The following UTRN variants were observed in gnomAD, a reference collection of about 807,000 sequenced individuals.
The protein encoded by UTRN is dystrophin-related protein 1.
In UTRN, 283 loss-of-function variants were observed where a neutral mutation model predicts 463.9. That is an observed-to-expected ratio of 0.61 (90% confidence interval 0.55 to 0.67). The LOEUF is 0.67. Among genes scored for constraint, UTRN ranks in the 30% least tolerant of loss-of-function variants. The pLI, the probability that UTRN is intolerant of heterozygous loss-of-function variation, is 0.00. For missense variants in UTRN, 3,922 were observed against 4,084.3 expected (o/e 0.96, Z 1.08); for synonymous variants, 1,442 against 1,431.5 (o/e 1.01, Z -0.17).
rs1791672345 is a variant in UTRN at position 144,479,956 on chromosome 6, C to T, written c.3481C>T (p.Leu1161Phe). ...TTTTGAGTACAAGTCACCAGAAGAG[C>T]TTGAGAGTGCTGTGGAAGAGATGAA... ...RDFEYKSPEELESAVEEMKRA... is the reference protein window; with the variant it reads ...RDFEYKSPEEFESAVEEMKRA... The change falls in exon 26 of 75, where the codon CTT (leucine) becomes TTT (phenylalanine). Residue 1161 changes from leucine to phenylalanine, a missense_variant. Physicochemically the swap from Leu to Phe is conservative, Grantham distance 22. Transcript: ENST00000367545. 1 of 1,614,130 alleles carries T rather than the reference C, an allele frequency of 6.2e-7. No homozygotes were observed. The highest frequency in any genetic ancestry group is 1.1e-5 in the South Asian group (1 of 91,080).
intron 54 of UTRN, among the ~76,000 whole-genome samples, chr6:144,737,588 C>A (rs1404349506): frequency 6.6e-6 from 1 of 151,988 alleles, no homozygotes; most frequent in East Asian, 1.9e-4. Context: ...AAAAATAGGG[C>A]TAAATGGGTA....
Position 144,542,811 on chromosome 6 carries a change from C to T in UTRN, c.6536C>T (p.Pro2179Leu), listed in dbSNP as rs1798091397. Residue 2179 changes from proline to leucine, a missense_variant, in exon 46 of 75, where the codon CCT becomes CTT. By Grantham distance (98) the Pro-to-Leu change is moderately conservative. Transcript: ENST00000367545. ...ATGCGGTAGATTTGCAGAGAGGTGC[C>T]TACCACCCTGAAGGAATGCATCCAG... is the stretch of plus-strand genomic sequence containing the variant. ...MTWNKICREV[P>L]TTLKECIQEP... 2.5e-6 allele frequency: 4 copies of T among 1,613,534 alleles called. No individual in the cohort carries two copies. Among genetic ancestry groups the T allele is most frequent in the Middle Eastern group, 1.6e-4 (1 of 6,082 alleles).
At chr6:144,716,497 A>T (rs906299998) in intron 53 of UTRN, among the ~76,000 whole-genome samples, 3 of 152,200 alleles carry the variant, frequency 2.0e-5, no homozygotes, top group African/African-American at 7.2e-5. Context: ...AATACAAAAA[A>T]TGGGCTTCTA....
intron 2 of UTRN, among the ~76,000 whole-genome samples, chr6:144,336,679 C>T (rs201010446): frequency 6.6e-6 from 1 of 152,266 alleles, no homozygotes; most frequent in East Asian, 1.9e-4. Context: ...TTTATAAAAA[C>T]AGATTATGGA....
Position 144,562,485 on chromosome 6 carries a change from G to T in UTRN, c.7289+5174G>T, listed in dbSNP as rs114448521. Among the ~76,000 whole-genome samples, 371 of 152,174 alleles carry T rather than the reference G, an allele frequency of 2.4e-3. 2 individuals carry two copies. The highest frequency in any genetic ancestry group is 8.3e-3 in the African/African-American group (345 of 41,516). ...TTTTCTGTTCCTGCATTAGTTTGCG[G>T]TGGATAATGGCTTCCAGTTCCATCC... is the stretch of plus-strand genomic sequence containing the variant. On this transcript the variant is annotated intron_variant, in intron 50 of 74. Coordinates refer to ENST00000367545, the MANE Select transcript of UTRN (RefSeq NM_007124.3).
intron 2 of UTRN, among the ~76,000 whole-genome samples, chr6:144,321,334 A>G (rs6905106): frequency 0.097 from 14,758 of 152,092 alleles, 2,361 homozygotes; most frequent in African/African-American, 0.33. Flanking sequence ...ATAACCCTAT[A>G]AAAGAGGCAC....
chr6:144,455,732 C>T (rs1584859319), intron 19 of UTRN, among the ~76,000 whole-genome samples: 2 of 152,108 alleles, frequency 1.3e-5, no homozygotes, highest in African/African-American at 4.8e-5. Context: ...GTCTTGGAAC[C>T]CTTGTTTCTT....
intron 61 of UTRN, among the ~76,000 whole-genome samples, chr6:144,784,140 A>C (rs1478142557): frequency 6.6e-6 from 1 of 152,224 alleles, no homozygotes; most frequent in Non-Finnish European, 1.5e-5. Flanking sequence ...AACTCCATTC[A>C]GTCCTATAGA....
At chr6:144,472,309 T>C (rs1790738547) in intron 23 of UTRN, among the ~76,000 whole-genome samples, 1 of 151,360 alleles carries the variant, frequency 6.6e-6, no homozygotes, top group Admixed American at 6.6e-5. Flanking sequence ...ACTACTTTCT[T>C]TTCTTTTTTT....
chr6:144,392,282 T>G (rs1325762161), intron 2 of UTRN, among the ~76,000 whole-genome samples: 6 of 152,222 alleles, frequency 3.9e-5, no homozygotes, highest in African/African-American at 1.4e-4. Flanking sequence ...TTAGACAATG[T>G]TGTCTTAGGG....
intron 39 of UTRN, among the ~76,000 whole-genome samples, chr6:144,519,475 A>G (rs1795897987): frequency 6.6e-6 from 1 of 152,202 alleles, no homozygotes; most frequent in Non-Finnish European, 1.5e-5. Context: ...TACGTCATGT[A>G]ACACTGTCTC....
At chr6:144,497,373 G>T (rs1793752870) in intron 33 of UTRN, among the ~76,000 whole-genome samples, 2 of 151,950 alleles carry the variant, frequency 1.3e-5, no homozygotes, top group Non-Finnish European at 2.9e-5. Context: ...ATTGAGATGG[G>T]TGCTGTAAGA....
chr6:144,827,705 T>A (rs1780311080), intron 68 of UTRN, 29 bp downstream of exon 68: 1 of 1,603,826 alleles, frequency 6.2e-7, no homozygotes. Context: ...AGCCCTCCAC[T>A]GCACTGCCAC....
At chr6:144,523,544 A>G (rs1451030134) in intron 41 of UTRN, among the ~76,000 whole-genome samples, 6 of 152,148 alleles carry the variant, frequency 3.9e-5, no homozygotes, top group Admixed American at 1.3e-4. Flanking sequence ...TCCGGACCTC[A>G]GGCAGTCCGC....
chr6:144,505,016 A>G (rs1453444187), intron 34 of UTRN, among the ~76,000 whole-genome samples: 2 of 151,976 alleles, frequency 1.3e-5, no homozygotes, highest in Non-Finnish European at 2.9e-5. Flanking sequence ...GAATTTACCC[A>G]TTTCTTCTAC....
Position 144,287,301 on chromosome 6 carries a change from A to G in UTRN, c.-93+1480A>G, listed in dbSNP as rs371495977. Among the ~76,000 whole-genome samples, 17 of 152,250 alleles carry G rather than the reference A, an allele frequency of 1.1e-4. 1 individual carries two copies. In the East Asian group the frequency reaches 2.9e-3, roughly 26 times the overall value. Reference sequence around the variant, plus strand: ...TTAACTCTCCTTTGGGTGTTTACCTAAAATTTATTGGCTCTGTAAACAGTA... The same window carrying G: ...TTAACTCTCCTTTGGGTGTTTACCTGAAATTTATTGGCTCTGTAAACAGTA... On this transcript the variant is annotated intron_variant, in intron 1 of 74. Coordinates refer to ENST00000367545, the MANE Select transcript of UTRN (RefSeq NM_007124.3).
intron 73 of UTRN, among the ~76,000 whole-genome samples, chr6:144,841,161 T>C (rs1781544857): frequency 1.3e-5 from 2 of 152,194 alleles, no homozygotes; most frequent in South Asian, 4.1e-4. Flanking sequence ...AAGGAACACA[T>C]CTTAGTTCAA....
At chr6:144,329,688 C>A (rs1372594067) in intron 2 of UTRN, among the ~76,000 whole-genome samples, 1 of 152,216 alleles carries the variant, frequency 6.6e-6, no homozygotes, top group African/African-American at 2.4e-5. Flanking sequence ...ATGCAAATTT[C>A]TGTTAGAGGT....
At chr6:144,462,196 A>G (rs551270132) in intron 22 of UTRN, among the ~76,000 whole-genome samples, 1 of 152,222 alleles carries the variant, frequency 6.6e-6, no homozygotes, top group East Asian at 1.9e-4. Flanking sequence ...TTTGCCGAGG[A>G]TAATGGCTTC....
Sources: gnomAD v4.1 joint callset for allele counts (sites outside exome capture counted in the v4.1 genomes callset) on GRCh38, gnomAD v4.1.1 for gene constraint, MANE v1.5 for transcripts, NCBI Gene and HGNC (gene_info 2026-07-23, HGNC 2026-07-21) for gene names.